MTSS2: variants seen among roughly 807,000 people sequenced by gnomAD.
MTSS2 encodes the protein protein MTSS 2.
Under a neutral mutation model 67.1 loss-of-function variants are expected in MTSS2, and 27 were observed. The observed-to-expected ratio is 0.40, with a 90% CI of 0.30 to 0.55. The LOEUF is 0.55. Ranked by LOEUF, MTSS2 falls within the 20% of genes least tolerant of loss-of-function variation. The probability of loss-of-function intolerance (pLI) is 0.43; values close to 1 mark genes in which losing one functional copy is unlikely to be tolerated. For missense variants in MTSS2, 1,171 were observed against 1,067.8 expected (o/e 1.10, Z -1.35); for synonymous variants, 624 against 468.6 (o/e 1.33, Z -4.28).
At chr16:70,683,593 G>A (rs1486745880) in intron 1 of MTSS2, among the ~76,000 whole-genome samples, 1 of 152,234 alleles carries the variant, frequency 6.6e-6, no homozygotes, top group Non-Finnish European at 1.5e-5. Context: ...GCAAGTCTCT[G>A]CCCCTCTCTG....
intron 6 of MTSS2, 88 bp from the exon 7 acceptor site, chr16:70,679,411 G>T: frequency 1.3e-6 from 2 of 1,547,102 alleles, no homozygotes; most frequent in Non-Finnish European, 8.9e-7. Context: ...CACTCCTGGG[G>T]CGGGGGTGCC....
intron 11 of MTSS2, among the ~76,000 whole-genome samples, chr16:70,673,423 T>C (rs951217698): frequency 1.3e-5 from 2 of 152,168 alleles, no homozygotes; most frequent in African/African-American, 4.8e-5. Flanking sequence ...ACAGTGTGGA[T>C]GGAAGACAAC....
At chr16:70,684,140 G>T (rs888379339) in intron 1 of MTSS2, among the ~76,000 whole-genome samples, 3 of 152,172 alleles carry the variant, frequency 2.0e-5, no homozygotes, top group Non-Finnish European at 4.4e-5. Flanking sequence ...CTCTGCAGTG[G>T]TTGCTATGAG....
chr16:70,681,444 T>C (rs539136938), intron 1 of MTSS2, among the ~76,000 whole-genome samples: 2 of 152,234 alleles, frequency 1.3e-5, no homozygotes, highest in Non-Finnish European at 2.9e-5. Context: ...GGCACTGACC[T>C]GCCCACCAGG....
In MTSS2 at chr16:70,664,993, C is replaced by G. The variant is rs781391875; in HGVS notation, c.1232G>C (p.Ser411Thr). 3.1e-6 allele frequency: 5 copies of G among 1,590,472 alleles called. No homozygotes were observed. The highest frequency in any genetic ancestry group is 2.5e-6 in the Non-Finnish European group (3 of 1,176,740). ...CCCGCTGGGGCCCAGGGTGCCCCCA[C>G]TGGCAGGGCCTGGCTCTGTGTCTCG... ...LLRDTEPGPASGGTLGPSGEE... is the reference protein window; with the variant it reads ...LLRDTEPGPATGGTLGPSGEE... The change falls in exon 13 of 15, where the codon AGT becomes ACT. Residue 411 changes from serine (S) to threonine (T), a missense_variant. Physicochemically the swap from Ser to Thr is moderately conservative, Grantham distance 58. Transcript: ENST00000338779.
chr16:70,678,297 C>T lies in MTSS2; in HGVS notation c.579G>A (p.Glu193=), dbSNP rs2053185426. The change falls in exon 8 of 15, where the codon GAG becomes GAA. Residue 193 remains glutamate, a synonymous_variant. Transcript: ENST00000338779. ...KQAVRRALIE[E]RGRFCTFITF... ...TGATGAAGGTGCAGAAGCGGCCCCG[C>T]TCCTCGATCAGCGCCCGGCGCACGG... 1.9e-6 allele frequency: 3 copies of T among 1,612,306 alleles called. No homozygotes were observed. Among genetic ancestry groups the T allele is most frequent in the South Asian group, 1.1e-5 (1 of 91,074 alleles).
In MTSS2 at chr16:70,661,905, C is replaced by T. The variant is rs532475042; in HGVS notation, c.*1772G>A. On this transcript the variant is annotated 3_prime_UTR_variant, in exon 15 of 15. Transcript: ENST00000338779. ...CTGCAGCCCTGGGGAGAATGTGTGG[C>T]GGAAATTCTACCCAAGACTCCCCAA... 1.4e-4 allele frequency: 22 copies of T among 153,888 alleles called. No homozygotes were observed. Among genetic ancestry groups the T allele is most frequent in the Non-Finnish European group, 2.3e-4 (16 of 69,262 alleles). 9.5% of individuals were successfully genotyped at this position (153,888 alleles called of 1,614,324 possible).
At chr16:70,666,124 C>T (rs908891857) in intron 11 of MTSS2, among the ~76,000 whole-genome samples, 8 of 152,132 alleles carry the variant, frequency 5.3e-5, no homozygotes, top group East Asian at 1.9e-4. Flanking sequence ...GGGCCAGGCC[C>T]GTGGCTGCTG....
chr16:70,666,683 A>C (rs573049825), intron 11 of MTSS2, among the ~76,000 whole-genome samples: 92 of 152,366 alleles, frequency 6.0e-4, no homozygotes, highest in Non-Finnish European at 1.2e-3. Context: ...GATTTGGAGG[A>C]AATAACAAAT....
At chr16:70,674,897 G>T (rs927271501) in intron 10 of MTSS2, among the ~76,000 whole-genome samples, 1 of 152,178 alleles carries the variant, frequency 6.6e-6, no homozygotes, top group Admixed American at 6.5e-5. Context: ...TGGATCATTT[G>T]AGGACAGGAG....
chr16:70,679,542 G>A (rs1379891757), intron 6 of MTSS2, 88 bp downstream of exon 6: 1 of 1,415,196 alleles, frequency 7.1e-7, no homozygotes, highest in Non-Finnish European at 9.5e-7. Flanking sequence ...CCTCTGGCTG[G>A]GATGAAGGCT....
At chr16:70,685,030 C>T (rs1419660554) in intron 1 of MTSS2, among the ~76,000 whole-genome samples, 3 of 152,136 alleles carry the variant, frequency 2.0e-5, no homozygotes, top group Admixed American at 6.5e-5. Flanking sequence ...AAGGAGGGCT[C>T]GGAGCTGAGA....
rs370944487 is a variant in MTSS2, at chr16:70,680,911, G to C, written c.132-44C>G. On this transcript the variant is annotated intron_variant, in intron 2 of 14. Transcript: ENST00000338779. ...GCATGGATGGTCGGTGGTTGGGCGGGGGGGGGGCCTCTGCCTGCCCCTCCC... is the reference window on the plus strand; with the variant it reads ...GCATGGATGGTCGGTGGTTGGGCGGCGGGGGGGCCTCTGCCTGCCCCTCCC... 74 of 1,481,692 alleles carry C rather than the reference G, an allele frequency of 5.0e-5. 1 individual carries two copies. The highest frequency in any genetic ancestry group is 1.2e-4 in the South Asian group (10 of 84,208). The allele number at this position is 1,481,692 out of a possible 1,614,324, so 91.8% of individuals were successfully genotyped here.
chr16:70,665,413 T>C (rs1191484279), intron 12 of MTSS2, 53 bp downstream of exon 12: 1 of 1,511,832 alleles, frequency 6.6e-7, no homozygotes, highest in Non-Finnish European at 8.9e-7. Flanking sequence ...GGGGAGGGCA[T>C]GGATGGGAGG....
At position 70,664,275 on chromosome 16, in the gene MTSS2, G is replaced by A. The variant is rs774161184; in HGVS notation, c.1646C>T (p.Thr549Met). The A allele has an allele frequency of 7.7e-6, 12 of 1,558,198 alleles. No homozygotes were observed. The highest frequency in any genetic ancestry group is 1.7e-4 in the Middle Eastern group (1 of 5,796). The change falls in exon 15 of 15, where the codon ACG becomes ATG. Residue 549 changes from threonine to methionine, a missense_variant. Thr to Met is a moderately conservative substitution (Grantham distance 81, BLOSUM62 -1). Transcript: ENST00000338779. ...TGCGCCCGAGGGCAGGCCAGTGGCC[G>A]TGGGCAGCCCCGCGGTGGGCAGCCC... Reference protein sequence around the residue: ...TAGLPTAGLPTATGLPSGAPP... With the variant: ...TAGLPTAGLPMATGLPSGAPP...
Position 70,662,665 on chromosome 16 carries a change from G to C in MTSS2, c.*1012C>G, listed in dbSNP as rs1425306506. ...TCATCCTGCCATAGGACCACCGGGG[G>C]GTCCCTGTCCCCCAGGCACTCCCAG... On this transcript the variant is annotated 3_prime_UTR_variant, in exon 15 of 15. Transcript: ENST00000338779. 6.6e-6 allele frequency: 1 copy of C among 152,594 alleles called. No individual in the cohort carries two copies. Among genetic ancestry groups the C allele is most frequent in the East Asian group, 1.9e-4 (1 of 5,180 alleles). The allele number at this position is 152,594 out of a possible 1,614,324, so 9.5% of individuals were successfully genotyped here.
At chr16:70,681,531 C>T (rs1039046057) in intron 1 of MTSS2, among the ~76,000 whole-genome samples, 1 of 152,228 alleles carries the variant, frequency 6.6e-6, no homozygotes, top group African/African-American at 2.4e-5. Context: ...CTCCGGGGCC[C>T]CTGCCCTGTG....
In MTSS2 at chr16:70,664,611, G is replaced by A. The variant is rs899334218; in HGVS notation, c.1458C>T (p.Thr486=). 1.9e-6 allele frequency: 3 copies of A among 1,612,532 alleles called. No individual in the cohort carries two copies. The highest frequency in any genetic ancestry group is 2.5e-6 in the Non-Finnish European group (3 of 1,179,588). ...CCGCGGGCCTGCCTTGGGAGGGGAT[G>A]GTGTCCTCAGAGCAGGAGGGCGTGG... The part of the protein sequence containing the change: ...QTTTPSCSED[T]IPSQGSDYDC... The change falls in exon 14 of 15, where the codon ACC becomes ACT. Residue 486 remains threonine, a synonymous_variant. Transcript: ENST00000338779.
Position 70,678,341 on chromosome 16 carries a change from C to T in MTSS2, c.535G>A (p.Glu179Lys). The change falls in exon 8 of 15, where the codon GAG becomes AAG. Residue 179 changes from glutamate (E) to lysine (K), a missense_variant. Glu to Lys is a moderately conservative substitution (Grantham distance 56, BLOSUM62 1). Around this residue, in one of 2 missense-constraint regions of MTSS2, gnomAD observed 247 missense variants for 311.8 expected, o/e 0.79. Transcript: ENST00000338779. ...QDVNDMYLLLEETEKQAVRRA... is the reference protein window; with the variant it reads ...QDVNDMYLLLKETEKQAVRRA... ...CGCACGGCCTGCTTCTCCGTCTCCT[C>T]CAGCAGCAGGTACATGTCGTTGACG... 6.2e-7 allele frequency: 1 copy of T among 1,613,008 alleles called. No individual in the cohort carries two copies.
Sources: allele counts gnomAD v4.1 joint callset (sites outside exome capture counted in the v4.1 genomes callset), GRCh38; gene constraint gnomAD v4.1.1; regional missense constraint gnomAD v4.1.1; transcripts MANE v1.5; gene names NCBI Gene and HGNC (gene_info 2026-07-23, HGNC 2026-07-21).